MICAL3: variants seen among roughly 807,000 people sequenced by gnomAD.
MICAL3 encodes the protein microtubule associated monooxygenase, calponin and LIM domain containing 3, also known as [F-actin]-monooxygenase MICAL3.
MICAL3 carries 62 observed loss-of-function variants against 207.4 expected under a neutral mutation model. The observed-to-expected ratio is 0.30, with a 90% CI of 0.24 to 0.37. The LOEUF is 0.37. Ranked by LOEUF, MICAL3 falls within the 10% of genes least tolerant of loss-of-function variation. MICAL3 has a pLI of 1.00. For synonymous variants in MICAL3, 1,077 were observed against 1,069.3 expected (o/e 1.01, Z -0.14); for missense variants, 2,368 against 2,635.6 (o/e 0.90, Z 2.22).
At chr22:17,791,875 C>G (rs1374677644) in intron 29 of MICAL3, among the ~76,000 whole-genome samples, 1 of 152,254 alleles carries the variant, frequency 6.6e-6, no homozygotes. Flanking sequence ...CTTCCGGATG[C>G]TCTCCCGCTG....
intron 24 of MICAL3, 148 bp downstream of exon 24, chr22:17,821,882 G>GAGGAAA (rs1921687839): frequency 4.0e-6 from 4 of 1,009,476 alleles, no homozygotes; most frequent in South Asian, 1.5e-5. Flanking sequence ...GTGGACAGAG[G>GAGGAAA]AGGAAAAGGC....
At chr22:17,864,838 G>A (rs780323307) in intron 19 of MICAL3, 61 bp downstream of exon 19, 8 of 1,613,920 alleles carry the variant, frequency 5.0e-6, no homozygotes, top group Non-Finnish European at 6.8e-6. Flanking sequence ...CATGCCCTTG[G>A]CCTTGTCACA....
At chr22:17,920,244 T>C (rs1308445605) in intron 1 of MICAL3, among the ~76,000 whole-genome samples, 10 of 152,230 alleles carry the variant, frequency 6.6e-5, no homozygotes, top group Admixed American at 6.5e-4. Flanking sequence ...TGAGGACTGA[T>C]GTGGCTGTAC....
intron 16 of MICAL3, chr22:17,876,757 A>C (rs71328242): frequency 1.5e-4 from 10 of 66,050 alleles, no homozygotes; most frequent in South Asian, 6.3e-4. Flanking sequence ...AGGGAGGTTA[A>C]GGAGGTTAGG....
At chr22:17,996,286 T>C (rs1195299144) in intron 1 of MICAL3, among the ~76,000 whole-genome samples, 1 of 148,480 alleles carries the variant, frequency 6.7e-6, no homozygotes, top group Non-Finnish European at 1.5e-5. Context: ...AAAAAAAAAA[T>C]ACAGAAAATT....
intron 1 of MICAL3, among the ~76,000 whole-genome samples, chr22:17,960,618 G>C (rs1244863699): frequency 2.0e-5 from 3 of 152,146 alleles, no homozygotes; most frequent in Admixed American, 1.3e-4. Context: ...GATTGGCAAG[G>C]GGCTCCGGGA....
intron 17 of MICAL3, among the ~76,000 whole-genome samples, chr22:17,866,251 C>A (rs2146145307): frequency 6.6e-6 from 1 of 152,338 alleles, no homozygotes; most frequent in Non-Finnish European, 1.5e-5. Context: ...ATGTGAAGGC[C>A]ATTGAGCCAT....
In MICAL3 at chr22:17,906,778, G is replaced by A; in HGVS notation, c.35C>T (p.Ala12Val). The A allele has an allele frequency of 6.2e-7, 1 of 1,613,000 alleles. No individual in the cohort carries two copies. The change falls in exon 2 of 32, where the codon GCT (alanine) becomes GTT (valine). Residue 12 changes from alanine (A) to valine (V), a missense_variant. Ala to Val is a moderately conservative substitution (Grantham distance 64). This residue lies in a region of MICAL3 where 400 missense variants were observed against 547.0 expected (regional missense o/e 0.73). Transcript: ENST00000441493. The part of the protein sequence containing the change: ...EERKHETMNP[A>V]HVLFDRFVQA... Reference sequence around the variant, plus strand: ...GACAAACCGGTCAAAGAGGACATGAGCTGGGTTCATGGTCTCATGCTTCCT... The same window carrying A: ...GACAAACCGGTCAAAGAGGACATGAACTGGGTTCATGGTCTCATGCTTCCT...
At chr22:17,895,492 G>T in intron 9 of MICAL3, 82 bp from the exon 10 acceptor site, 1 of 1,503,624 alleles carries the variant, frequency 6.7e-7, no homozygotes, top group Non-Finnish European at 9.1e-7. Context: ...TTCTGACAGC[G>T]CAGCAAGTCA....
chr22:17,878,635 C>A (rs950779813), intron 16 of MICAL3, among the ~76,000 whole-genome samples: 1 of 152,158 alleles, frequency 6.6e-6, no homozygotes, highest in African/African-American at 2.4e-5. Context: ...ATTCTTCCCG[C>A]TAGCTGCAGA....
intron 27 of MICAL3, chr22:17,814,070 T>A (rs2062077094): frequency 6.6e-6 from 1 of 152,222 alleles, no homozygotes; most frequent in Non-Finnish European, 1.5e-5. Flanking sequence ...GTTTCACAGA[T>A]GCTGTGAGGC....
At chr22:17,858,861 G>C (rs963879670) in intron 19 of MICAL3, among the ~76,000 whole-genome samples, 2 of 152,212 alleles carry the variant, frequency 1.3e-5, no homozygotes, top group African/African-American at 4.8e-5. Flanking sequence ...TTTATTACTG[G>C]GGGATGGGCA....
intron 1 of MICAL3, among the ~76,000 whole-genome samples, chr22:17,920,990 T>G (rs1344966996): frequency 2.6e-5 from 4 of 152,158 alleles, no homozygotes; most frequent in Admixed American, 2.0e-4. Context: ...GGTTCCTAAA[T>G]AAGATGACTA....
At chr22:17,798,797 C>G (rs2061905082) in intron 29 of MICAL3, among the ~76,000 whole-genome samples, 2 of 151,652 alleles carry the variant, frequency 1.3e-5, no homozygotes, top group African/African-American at 4.9e-5. Context: ...CCTCAGCCTC[C>G]TGAGTAGCTG....
intron 1 of MICAL3, among the ~76,000 whole-genome samples, chr22:17,962,248 G>T (rs1303709784): frequency 7.0e-6 from 1 of 143,792 alleles, no homozygotes; most frequent in Non-Finnish European, 1.6e-5. Flanking sequence ...AAGCGAACAA[G>T]CAAACATGTC....
At chr22:17,898,429 A>G (rs1914003373) in intron 7 of MICAL3, among the ~76,000 whole-genome samples, 1 of 152,252 alleles carries the variant, frequency 6.6e-6, no homozygotes, top group Non-Finnish European at 1.5e-5. Flanking sequence ...GCTGAGAAAC[A>G]CACGCAAGGT....
rs1001318637 is a variant in MICAL3, at chr22:17,841,220, C to T, written c.2801+602G>A. The T allele has an allele frequency of 2.6e-5, 4 of 154,552 alleles. No individual in the cohort carries two copies. Among genetic ancestry groups the T allele is most frequent in the Non-Finnish European group, 4.3e-5 (3 of 69,620 alleles). The allele number at this position is 154,552 out of a possible 1,614,324, so 9.6% of individuals were successfully genotyped here. ...AATCGGCTGAACACTTTGAAGCCTT[C>T]GCTGATACTGGAAGCCCTGGGGTGC... On this transcript the variant is annotated intron_variant, in intron 20 of 31. Transcript: ENST00000441493. This position sits in a 1 kb window ranked among gnomAD's most constrained non-coding sequence, Gnocchi z 4.2.
At chr22:17,863,769 G>C in intron 19 of MICAL3, 4 of 985,426 alleles carry the variant, frequency 4.1e-6, no homozygotes, top group Non-Finnish European at 4.8e-6. Context: ...GTTAGGGAAG[G>C]GAAAGGATGC....
chr22:17,918,638 C>T (rs982227598), intron 1 of MICAL3, among the ~76,000 whole-genome samples: 5 of 151,962 alleles, frequency 3.3e-5, no homozygotes, highest in Admixed American at 3.3e-4. Flanking sequence ...GAGCGCCCCC[C>T]AGACCTGCAC....
Sources: gnomAD v4.1 joint callset for allele counts (sites outside exome capture counted in the v4.1 genomes callset) on GRCh38, gnomAD v4.1.1 for gene constraint, gnomAD v4.1.1 regional missense constraint, Gnocchi (gnomAD v3.1) non-coding constraint, MANE v1.5 for transcripts, NCBI Gene and HGNC (gene_info 2026-07-23, HGNC 2026-07-21) for gene names.